Variants in GNB5 observed in about 807,000 individuals in gnomAD.
The protein encoded by GNB5 is guanine nucleotide-binding protein subunit beta-5.
Under a neutral mutation model 55.3 loss-of-function variants are expected in GNB5, and 37 were observed. The observed-to-expected ratio is 0.67, with a 90% confidence interval of 0.51 to 0.88. GNB5 has a LOEUF of 0.88. Ranked by LOEUF, GNB5 falls within the 40% of genes least tolerant of loss-of-function variation. GNB5 has a pLI of 0.00. For missense variants in GNB5, 476 were observed against 515.3 expected, an observed-to-expected ratio of 0.92 and a Z score of 0.74; for synonymous variants, 219 against 198.5, an observed-to-expected ratio of 1.10 and a Z score of -0.87.
intron 3 of GNB5, 43 bp from the exon 4 acceptor site, chr15:52,154,119 G>C: frequency 6.3e-7 from 1 of 1,595,904 alleles, no homozygotes; most frequent in Non-Finnish European, 8.6e-7. Flanking sequence ...CTAAGGACCA[G>C]GTTCTGGGCT....
intron 3 of GNB5, among the ~76,000 whole-genome samples, chr15:52,175,777 G>A (rs922576712): frequency 3.4e-5 from 5 of 145,476 alleles, no homozygotes; most frequent in Middle Eastern, 4.4e-3. Context: ...ACGGCCAGGC[G>A]CAGTGGGTCA....
At chr15:52,182,847 T>C (rs188299160) in intron 2 of GNB5, among the ~76,000 whole-genome samples, 1 of 152,314 alleles carries the variant, frequency 6.6e-6, no homozygotes, top group Non-Finnish European at 1.5e-5. Flanking sequence ...AGAATTGTTA[T>C]GAGAATTAAG....
At chr15:52,143,653 G>A (rs2033908016) in intron 6 of GNB5, among the ~76,000 whole-genome samples, 1 of 152,226 alleles carries the variant, frequency 6.6e-6, no homozygotes, top group South Asian at 2.1e-4. Flanking sequence ...CCAGGAGCCA[G>A]GTAAATTGAG....
chr15:52,133,518 T>C (rs749533321), intron 8 of GNB5, 49 bp from the exon 9 acceptor site: 56 of 1,185,696 alleles, frequency 4.7e-5, no homozygotes, highest in East Asian at 1.4e-4. Context: ...GGAATGTCTA[T>C]AGACAAGGCA....
chr15:52,117,089 A>AATATATATATATATATATATATAT lies in GNB5; in HGVS notation c.*5667_*5668insATATATATATATATATATATATAT, dbSNP rs772910761. 3.5e-5 allele frequency: 3 copies of AATATATATATATATATATATATAT among 85,478 alleles called. No individual in the cohort carries two copies. Among genetic ancestry groups the AATATATATATATATATATATATAT allele is most frequent in the Non-Finnish European group, 2.0e-5 (1 of 49,692 alleles). 5.3% of individuals were successfully genotyped at this position (85,478 alleles called of 1,614,324 possible). A position where few individuals can be genotyped will look rare whatever the true frequency, so the allele number is the denominator to read the frequency against. The stretch of plus-strand genomic sequence containing the variant: ...CAGGCACCTGCCACCACGCCCAGCT[A>AATATATATATATATATATATATAT]ATATATATATATATTTTTTTTTAGT... On this transcript the variant is annotated 3_prime_UTR_variant, in exon 13 of 13. Transcript: ENST00000261837.
chr15:52,133,267 C>T (rs1459044252), intron 9 of GNB5, 111 bp downstream of exon 9: 2 of 687,748 alleles, frequency 2.9e-6, no homozygotes, highest in Non-Finnish European at 5.1e-6. Context: ...CCCGGGGAGG[C>T]CTCTCTCAGC....
At position 52,124,667 on chromosome 15, in the gene GNB5, T is replaced by C. The variant is rs2033374964; in HGVS notation, c.1010-28A>G. The C allele has an allele frequency of 5.6e-6, 9 of 1,600,528 alleles. 1 individual carries two copies. In the South Asian group the frequency reaches 1.0e-4, roughly 18 times the overall value. ...TGAAGCAGGGTGAGATGATAGCTGT[T>C]AAGCCAGTTCCTTGCTTCCTGTTTC... On this transcript the variant is annotated intron_variant, in intron 11 of 12. Transcript: ENST00000261837.
intron 6 of GNB5, 144 bp from the exon 7 acceptor site, chr15:52,141,416 TTTTC>T: frequency 1.5e-6 from 1 of 655,248 alleles, no homozygotes; most frequent in Non-Finnish European, 2.5e-6. Context: ...ACTTTGAAGA[TTTTC>T]TTTTCTTTCT....
chr15:52,133,720 T>A (rs1257268455), intron 8 of GNB5, among the ~76,000 whole-genome samples: 1 of 152,174 alleles, frequency 6.6e-6, no homozygotes, highest in Non-Finnish European at 1.5e-5. Context: ...TTTTCTTCTT[T>A]TGCACATTTC....
At chr15:52,144,653 A>G (rs1566938744) in intron 6 of GNB5, among the ~76,000 whole-genome samples, 1 of 152,250 alleles carries the variant, frequency 6.6e-6, no homozygotes, top group East Asian at 1.9e-4. Context: ...GATGCATCAT[A>G]TCAGGTCTGA....
intron 9 of GNB5, among the ~76,000 whole-genome samples, chr15:52,132,741 G>C (rs111701213): frequency 6.6e-6 from 1 of 150,928 alleles, no homozygotes; most frequent in Non-Finnish European, 1.5e-5. Flanking sequence ...CCAACAGAGC[G>C]ATCTTTTAAA....
chr15:52,143,853 G>A (rs564869821), intron 6 of GNB5: 2 of 152,316 alleles, frequency 1.3e-5, no homozygotes, highest in South Asian at 4.1e-4. Flanking sequence ...TCTGGGAAGG[G>A]GAGATGGTAC....
rs76740130 is a variant in GNB5, at chr15:52,118,011, G to A, written c.*4746C>T. ...TACCCCACCCACTGTGCCTTCCCCA[G>A]GCTTCCAGGCGTCCTCTTTTGAAAG... On this transcript the variant is annotated 3_prime_UTR_variant, in exon 13 of 13. Transcript: ENST00000261837. 0.026 allele frequency: 4,033 copies of A among 152,874 alleles called. 71 individuals are homozygous for A. Among genetic ancestry groups the A allele is most frequent in the Middle Eastern group, 0.051 (15 of 296 alleles). 9.5% of individuals were successfully genotyped at this position (152,874 alleles called of 1,614,324 possible).
intron 6 of GNB5, among the ~76,000 whole-genome samples, chr15:52,143,395 CCTAA>C (rs1025284647): frequency 3.9e-5 from 6 of 152,138 alleles, no homozygotes; most frequent in Non-Finnish European, 7.4e-5. Context: ...TGCTTTAGTA[CCTAA>C]CTAATGTTGT....
intron 5 of GNB5, among the ~76,000 whole-genome samples, chr15:52,147,846 G>C (rs960833298): frequency 2.0e-5 from 3 of 152,120 alleles, no homozygotes; most frequent in African/African-American, 7.2e-5. Flanking sequence ...GCCTCCCAAA[G>C]TGCTGGGATT....
chr15:52,173,430 C>G (rs372148107), intron 3 of GNB5, among the ~76,000 whole-genome samples: 1 of 152,076 alleles, frequency 6.6e-6, no homozygotes, highest in Non-Finnish European at 1.5e-5. Flanking sequence ...GAATATGAAC[C>G]GAGACAGAAT....
chr15:52,183,345 A>G (rs2034800717), intron 2 of GNB5, among the ~76,000 whole-genome samples: 1 of 141,724 alleles, frequency 7.1e-6, no homozygotes, highest in Admixed American at 7.2e-5. Flanking sequence ...GGGGGGGGGT[A>G]AGGCCCCCAG....
rs74508387 is a variant in GNB5, at chr15:52,157,250, C to CTT, written c.239-3176_239-3175dup. On this transcript the variant is annotated intron_variant, in intron 3 of 12. Transcript: ENST00000261837. ...GGCACCCGGCCTGATTCTTATAGGC[C>CTT]TTTTTTTTTTTTTTGAGTCGGAGTC... Among the ~76,000 whole-genome samples, 35 of 111,160 alleles carry CTT rather than the reference C, an allele frequency of 3.1e-4. 1 individual carries two copies. Among genetic ancestry groups the CTT allele is most frequent in the East Asian group, 5.4e-4 (2 of 3,706 alleles). 72.9% of individuals were successfully genotyped at this position (111,160 alleles called of 152,430 possible).
chr15:52,172,237 G>A lies in GNB5; in HGVS notation c.238+7531C>T, dbSNP rs1229434710. On this transcript the variant is annotated intron_variant, in intron 3 of 12. Transcript: ENST00000261837. ...CAGTCTCAACCTCCTGGGCTCAAGTGATCCTCCCACCTCAGCCTCCCGAGT... is the reference window on the plus strand; with the variant it reads ...CAGTCTCAACCTCCTGGGCTCAAGTAATCCTCCCACCTCAGCCTCCCGAGT... 3.3e-5 allele frequency among the ~76,000 whole-genome samples: 5 copies of A among 152,078 alleles called. No individual in the cohort carries two copies. In the South Asian group the frequency reaches 1.0e-3, roughly 32 times the overall value.
Sources: gnomAD v4.1 joint callset for allele counts (sites outside exome capture counted in the v4.1 genomes callset) on GRCh38, gnomAD v4.1.1 for gene constraint, MANE v1.5 for transcripts, NCBI Gene and HGNC (gene_info 2026-07-23, HGNC 2026-07-21) for gene names.